Variants in MAPK7 observed in about 807,000 individuals in gnomAD.
The protein encoded by MAPK7 is mitogen-activated protein kinase 7.
Under a neutral mutation model 56.9 loss-of-function variants are expected in MAPK7, and 30 were observed. That is an observed-to-expected ratio of 0.53 (90% CI 0.39 to 0.72). The LOEUF (loss-of-function observed/expected upper bound fraction) is 0.72, where lower values mean the gene tolerates loss of function less well. Among genes scored for constraint, MAPK7 ranks in the 30% least tolerant of loss-of-function variants. MAPK7 has a pLI of 0.00. For missense variants in MAPK7, 952 were observed against 1,110.8 expected (o/e 0.86, Z 2.03); for synonymous variants, 516 against 449.3 (o/e 1.15, Z -1.88).
At position 19,382,364 on chromosome 17, in the gene MAPK7, C is replaced by A. The variant is rs781736991; in HGVS notation, c.2061C>A (p.Phe687Leu). 3 of 1,613,456 alleles carry A rather than the reference C, an allele frequency of 1.9e-6. No individual in the cohort carries two copies. Among genetic ancestry groups the A allele is most frequent in the Admixed American group, 1.7e-5 (1 of 60,010 alleles). ...GSSTPGVLPY[F>L]PPGLPPPDAG... is the part of the protein sequence containing the mutation. ...GCACCCCAGGAGTTTTGCCTTACTT[C>A]CCACCTGGCCTGCCGCCCCCAGACG... The change falls in exon 5 of 7, where the codon TTC (phenylalanine) becomes TTA (leucine). Residue 687 changes from phenylalanine to leucine, a missense_variant. By Grantham distance (22) the Phe-to-Leu change is conservative (BLOSUM62 0). Coordinates refer to ENST00000395604, the MANE Select transcript of MAPK7 (RefSeq NM_002749.4).
intron 3 of MAPK7, 128 bp downstream of exon 3, chr17:19,380,075 G>C (rs1912517587): frequency 9.8e-7 from 1 of 1,024,902 alleles, no homozygotes; most frequent in African/African-American, 1.6e-5. Flanking sequence ...CGCAGTTCTA[G>C]GACCAGTTCT....
Position 19,380,716 on chromosome 17 carries a change from C to T in MAPK7, c.507C>T (p.Gly169=). 1 of 1,614,206 alleles carries T rather than the reference C, an allele frequency of 6.2e-7. No individual in the cohort carries two copies. Among genetic ancestry groups the T allele is most frequent in the South Asian group, 1.1e-5 (1 of 91,080 alleles). Residue 169 remains glycine (G), a synonymous_variant, in exon 4 of 7, where the codon GGC becomes GGT. Transcript: ENST00000395604. ...ACTTCCTGTACCAACTGCTGCGGGG[C>T]CTGAAGTACATGCACTCGGCTCAGG... The part of the protein sequence containing the change: ...VRYFLYQLLR[G]LKYMHSAQVI...
At position 19,382,855 on chromosome 17, in the gene MAPK7, G is replaced by A; in HGVS notation, c.2206G>A (p.Gly736Ser). ...CCCTGTGTTCTCAGGCACACCAAAGGGCAGTGGGGCTGGCTACGGTGTTGG... is the reference window on the plus strand; with the variant it reads ...CCCTGTGTTCTCAGGCACACCAAAGAGCAGTGGGGCTGGCTACGGTGTTGG... ...LPPVFSGTPKGSGAGYGVGFD... is the reference protein window; with the variant it reads ...LPPVFSGTPKSSGAGYGVGFD... The change falls in exon 6 of 7, where the codon GGC becomes AGC. Residue 736 changes from glycine (G) to serine (S), a missense_variant. Physicochemically the swap from Gly to Ser is moderately conservative, Grantham distance 56. Coordinates refer to ENST00000395604, the MANE Select transcript of MAPK7 (RefSeq NM_002749.4). 1 of 1,614,226 alleles carries A rather than the reference G, an allele frequency of 6.2e-7. No homozygotes were observed. Among genetic ancestry groups the A allele is most frequent in the Non-Finnish European group, 8.5e-7 (1 of 1,180,020 alleles).
chr17:19,379,062 G>A lies in MAPK7; in HGVS notation c.162G>A (p.Glu54=). The change falls in exon 2 of 7, where the codon GAG becomes GAA. Residue 54 remains glutamate (E), a synonymous_variant. Coordinates refer to ENST00000395604, the MANE Select transcript of MAPK7 (RefSeq NM_002749.4). ...SFDVTFDVGD[E]YEIIETIGNG... The stretch of plus-strand genomic sequence containing the variant: ...ATGTGACCTTTGACGTGGGCGACGA[G>A]TACGAGATCATCGAGACCATAGGCA... 1 of 1,614,150 alleles carries A rather than the reference G, an allele frequency of 6.2e-7. No homozygotes were observed.
At position 19,378,960 on chromosome 17, in the gene MAPK7, C is replaced by G; in HGVS notation, c.60C>G (p.Pro20=). ...ACGGCTCTGCGGAGCCCCCCGGGCC[C>G]GTGAAGGCCGAACCCGCCCACACCG... ...GEDGSAEPPG[P]VKAEPAHTAA... The change falls in exon 2 of 7, where the codon CCC becomes CCG. Residue 20 remains proline (P), a synonymous_variant. Coordinates refer to ENST00000395604, the MANE Select transcript of MAPK7 (RefSeq NM_002749.4). The surrounding 1 kb of genome is among the most constrained non-coding windows in gnomAD (Gnocchi z 5.4). 1.2e-6 allele frequency: 2 copies of G among 1,603,010 alleles called. No homozygotes were observed. Among genetic ancestry groups the G allele is most frequent in the Non-Finnish European group, 1.7e-6 (2 of 1,174,884 alleles).
At chr17:19,380,197 C>T in intron 3 of MAPK7, 1 of 549,074 alleles carries the variant, frequency 1.8e-6, no homozygotes, top group Admixed American at 3.6e-5. Context: ...CCTACTATGA[C>T]CACACCCTCC....
upstream of MAPK7, chr17:19,378,033 T>C (rs1026600845): frequency 3.0e-6 from 3 of 985,050 alleles, no homozygotes. This position sits in a 1 kb window ranked among gnomAD's most constrained non-coding sequence, Gnocchi z 5.4. Context: ...TTCCCAGAGC[T>C]CCTGGGACCA....
At chr17:19,379,557 C>G in intron 2 of MAPK7, 1 of 580,980 alleles carries the variant, frequency 1.7e-6, no homozygotes, top group South Asian at 2.2e-5. Context: ...ATATTTCCTT[C>G]TCTTTAACGT....
Position 19,383,257 on chromosome 17 carries a change from A to G in MAPK7, c.*26A>G. On this transcript the variant is annotated 3_prime_UTR_variant, in exon 7 of 7. Transcript: ENST00000395604. Reference sequence around the variant, plus strand: ...GGCCCCCAGCCTGTGCCTTGCTGCCACAGTAGACCTAGTTCCAGGATCCAT... The same window carrying G: ...GGCCCCCAGCCTGTGCCTTGCTGCCGCAGTAGACCTAGTTCCAGGATCCAT... The G allele has an allele frequency of 6.2e-7, 1 of 1,611,730 alleles. No individual in the cohort carries two copies. Among genetic ancestry groups the G allele is most frequent in the Non-Finnish European group, 8.5e-7 (1 of 1,178,516 alleles).
intron 5 of MAPK7, 121 bp from the exon 6 acceptor site, chr17:19,382,692 C>CA (rs1201449572): frequency 2.3e-5 from 33 of 1,450,610 alleles, no homozygotes; most frequent in Non-Finnish European, 2.6e-5. Context: ...AGCCAGCACT[C>CA]ACTGACTGCC....
At position 19,378,763 on chromosome 17, in the gene MAPK7, A is replaced by G; in HGVS notation, c.-6+133A>G. The G allele has an allele frequency of 7.9e-7, 1 of 1,269,934 alleles. No homozygotes were observed. The allele number at this position is 1,269,934 out of a possible 1,614,324, so 78.7% of individuals were successfully genotyped here. Reference sequence around the variant, plus strand: ...GGACCCCTGGGGTAGCTAGTCTGCCACGAACCAGCCGCGCGCTTCTGCCCT... The same window carrying G: ...GGACCCCTGGGGTAGCTAGTCTGCCGCGAACCAGCCGCGCGCTTCTGCCCT... On this transcript the variant is annotated intron_variant, in intron 1 of 6. Transcript: ENST00000395604. This position sits in a 1 kb window ranked among gnomAD's most constrained non-coding sequence, Gnocchi z 5.4.
At chr17:19,379,751 C>G (rs368279990) in intron 2 of MAPK7, 31 bp from the exon 3 acceptor site, 52 of 1,608,422 alleles carry the variant, frequency 3.2e-5, no homozygotes, top group Non-Finnish European at 4.2e-5. Flanking sequence ...CCAAGGTATC[C>G]TCTGGTATGT....
At position 19,382,914 on chromosome 17, in the gene MAPK7, C is replaced by A; in HGVS notation, c.2265C>A (p.Phe755Leu). The A allele has an allele frequency of 6.2e-7, 1 of 1,614,218 alleles. No individual in the cohort carries two copies. Among genetic ancestry groups the A allele is most frequent in the Non-Finnish European group, 8.5e-7 (1 of 1,180,040 alleles). ...FDLEEFLNQS[F>L]DMGVADGPQD... ...TGGAGGAATTCTTAAACCAGTCTTT[C>A]GACATGGGCGTGGCTGATGGGCCAC... The change falls in exon 6 of 7, where the codon TTC (phenylalanine) becomes TTA (leucine). Residue 755 changes from phenylalanine to leucine, a missense_variant. Physicochemically the swap from Phe to Leu is conservative, Grantham distance 22. Around this residue, in one of 5 missense-constraint regions of MAPK7, gnomAD observed 73 missense variants for 104.6 expected, o/e 0.70. Transcript: ENST00000395604.
chr17:19,378,301 G>T, upstream of MAPK7: 1 of 987,432 alleles, frequency 1.0e-6, no homozygotes, highest in South Asian at 4.6e-5. The surrounding 1 kb of genome is among the most constrained non-coding windows in gnomAD (Gnocchi z 5.4). Context: ...ACACCCCTGC[G>T]AAGTGCCGGG....
chr17:19,380,528 G>C (rs1431022946), intron 3 of MAPK7, 80 bp from the exon 4 acceptor site: 1 of 1,509,386 alleles, frequency 6.6e-7, no homozygotes, highest in South Asian at 1.3e-5. Flanking sequence ...TCTGGAATCG[G>C]AAGGGTGTGG....
chr17:19,380,730 A>C lies in MAPK7; in HGVS notation c.521A>C (p.His174Pro), dbSNP rs1912577998. 6.2e-7 allele frequency: 1 copy of C among 1,614,054 alleles called. No individual in the cohort carries two copies. The highest frequency in any genetic ancestry group is 2.2e-5 in the East Asian group (1 of 44,866). The change falls in exon 4 of 7, where the codon CAC becomes CCC. Residue 174 changes from histidine to proline, a missense_variant. Physicochemically the swap from His to Pro is moderately conservative, Grantham distance 77 (BLOSUM62 -2). Around this residue, in one of 5 missense-constraint regions of MAPK7, gnomAD observed 213 missense variants for 243.2 expected, o/e 0.88. Transcript: ENST00000395604. ...YQLLRGLKYMHSAQVIHRDLK... is the reference protein window; with the variant it reads ...YQLLRGLKYMPSAQVIHRDLK... Reference sequence around the variant, plus strand: ...CTGCTGCGGGGCCTGAAGTACATGCACTCGGCTCAGGTCATCCACCGTGAC... The same window carrying C: ...CTGCTGCGGGGCCTGAAGTACATGCCCTCGGCTCAGGTCATCCACCGTGAC...
At position 19,378,819 on chromosome 17, in the gene MAPK7, G is replaced by C. The variant is rs1912343191; in HGVS notation, c.-5-77G>C. The C allele has an allele frequency of 5.8e-6, 8 of 1,370,722 alleles. No individual in the cohort carries two copies. Among genetic ancestry groups the C allele is most frequent in the Non-Finnish European group, 7.9e-6 (8 of 1,009,966 alleles). The allele number at this position is 1,370,722 out of a possible 1,614,324, so 84.9% of individuals were successfully genotyped here. A position where few individuals can be genotyped will look rare whatever the true frequency, so the allele number is the denominator to read the frequency against. On this transcript the variant is annotated intron_variant, in intron 1 of 6. Transcript: ENST00000395604. The surrounding 1 kb of genome is among the most constrained non-coding windows in gnomAD (Gnocchi z 5.4). ...GTTTAGGAAACTGGGAAGTTCCCTGGTCCTGCTCCCCAGCCCGCAGAGGGG... is the reference window on the plus strand; with the variant it reads ...GTTTAGGAAACTGGGAAGTTCCCTGCTCCTGCTCCCCAGCCCGCAGAGGGG...
rs1484353112 is a variant in MAPK7, at chr17:19,382,206, C to T, written c.1903C>T (p.Pro635Ser). 6.2e-7 allele frequency: 1 copy of T among 1,611,474 alleles called. No individual in the cohort carries two copies. Among genetic ancestry groups the T allele is most frequent in the South Asian group, 1.1e-5 (1 of 90,994 alleles). Residue 635 changes from proline (P) to serine (S), a missense_variant, in exon 5 of 7, where the codon CCC becomes TCC. Transcript: ENST00000395604. ...SGPVPQPACP[P>S]PGPAPHPTGP... ...CCCTGTACCCCAGCCTGCCTGCCCA[C>T]CCCCTGGCCCTGCACCCCACCCCAC...
intron 2 of MAPK7, 21 bp from the exon 3 acceptor site, chr17:19,379,761 T>C (rs766936857): frequency 6.2e-7 from 1 of 1,612,300 alleles, no homozygotes. Flanking sequence ...CTCTGGTATG[T>C]CCCTTTTCCC....
Sources: gnomAD v4.1 joint callset for allele counts on GRCh38, gnomAD v4.1.1 for gene constraint, gnomAD v4.1.1 regional missense constraint, Gnocchi (gnomAD v3.1) non-coding constraint, MANE v1.5 for transcripts, NCBI Gene and HGNC (gene_info 2026-07-23, HGNC 2026-07-21) for gene names.